Variants in RBM33 observed in about 807,000 individuals in gnomAD.
The protein encoded by RBM33 is RNA-binding protein 33.
In RBM33, 28 loss-of-function variants were observed where a neutral mutation model predicts 132.6. The observed-to-expected ratio is 0.21, with a 90% CI of 0.16 to 0.29. The LOEUF is 0.29. Ranked by LOEUF, RBM33 falls within the 10% of genes least tolerant of loss-of-function variation. RBM33 has a pLI of 1.00. For synonymous variants in RBM33, 634 were observed against 593.0 expected (o/e 1.07, Z -1.01); for missense variants, 1,291 against 1,518.5 (o/e 0.85, Z 2.49).
At position 155,655,589 on chromosome 7, in the gene RBM33, A is replaced by G. The variant is rs945284390; in HGVS notation, c.44-9586A>G. On this transcript the variant is annotated intron_variant, in intron 1 of 17. Transcript: ENST00000401878. ...TGCTGACATTTGCATCAATGTTGCA[A>G]AAGTAATGGTGGGTACATTCTCTGG... Among the ~76,000 whole-genome samples the G allele has an allele frequency of 8.3e-5, 11 of 133,238 alleles. No homozygotes were observed. In the East Asian group the frequency reaches 1.6e-3, roughly 19 times the overall value. 87.4% of individuals were successfully genotyped at this position (133,238 alleles called of 152,430 possible).
Position 155,738,350 on chromosome 7 carries a change from C to G in RBM33, c.1684C>G (p.Leu562Val). Residue 562 changes from leucine (L) to valine (V), a missense_variant, in exon 11 of 18, where the codon CTG becomes GTG. Leu to Val is a conservative substitution (Grantham distance 32). Transcript: ENST00000401878. ...CTTCATTCCTCCTAGACAGCCGTTCCTGCCAGGCCCAGGACAGCCGTTTCT... is the reference window on the plus strand; with the variant it reads ...CTTCATTCCTCCTAGACAGCCGTTCGTGCCAGGCCCAGGACAGCCGTTTCT... Reference protein sequence around the residue: ...RPFIPPRQPFLPGPGQPFLPT... With the variant: ...RPFIPPRQPFVPGPGQPFLPT... The G allele has an allele frequency of 1.2e-6, 2 of 1,613,988 alleles. No homozygotes were observed. Among genetic ancestry groups the G allele is most frequent in the Non-Finnish European group, 8.5e-7 (1 of 1,179,884 alleles).
intron 10 of RBM33, 74 bp from the exon 11 acceptor site, chr7:155,737,986 G>A: frequency 1.5e-6 from 2 of 1,300,150 alleles, no homozygotes; most frequent in Non-Finnish European, 2.2e-6. Context: ...CAGTAGGATA[G>A]TGCTTCAGAC....
chr7:155,673,940 G>GTTGTTTTTTGT, intron 3 of RBM33, among the ~76,000 whole-genome samples: 6 of 54,192 alleles, frequency 1.1e-4, no homozygotes, highest in African/African-American at 4.9e-4. Context: ...TTTAGGCTTA[G>GTTGTTTTTTGT]TTTTTTTTTT....
intron 2 of RBM33, among the ~76,000 whole-genome samples, chr7:155,672,064 T>A (rs917256020): frequency 6.6e-6 from 1 of 152,230 alleles, no homozygotes; most frequent in African/African-American, 2.4e-5. Flanking sequence ...CCTTAGTTAC[T>A]GTGATTTGAT....
intron 1 of RBM33, 188 bp downstream of exon 1, chr7:155,645,107 C>G: frequency 2.0e-6 from 1 of 508,000 alleles, no homozygotes; most frequent in Non-Finnish European, 3.5e-6. Flanking sequence ...CGCTCCTCCT[C>G]TCCGCTGTGC....
intron 8 of RBM33, among the ~76,000 whole-genome samples, chr7:155,715,365 G>A (rs925233333): frequency 1.3e-5 from 2 of 152,174 alleles, no homozygotes; most frequent in Non-Finnish European, 2.9e-5. Flanking sequence ...CTGGCAGCTG[G>A]TAATACGTAC....
intron 1 of RBM33, among the ~76,000 whole-genome samples, chr7:155,649,811 A>T (rs1798306211): frequency 1.3e-5 from 2 of 152,214 alleles, no homozygotes; most frequent in Admixed American, 1.3e-4. Context: ...CCAAAACCAA[A>T]AAACAAACAA....
chr7:155,727,595 ATTG>A (rs1458925038), intron 9 of RBM33, among the ~76,000 whole-genome samples: 1 of 152,268 alleles, frequency 6.6e-6, no homozygotes, highest in Non-Finnish European at 1.5e-5. Flanking sequence ...AAAAAGCAAT[ATTG>A]TTAACAGTCA....
chr7:155,651,080 G>A (rs1284046240), intron 1 of RBM33, among the ~76,000 whole-genome samples: 4 of 152,114 alleles, frequency 2.6e-5, no homozygotes, highest in Admixed American at 6.5e-5. Context: ...GTTTTGCCAC[G>A]TTGGCCAGGC....
At chr7:155,707,660 C>G (rs1165177375) in intron 7 of RBM33, among the ~76,000 whole-genome samples, 1 of 151,838 alleles carries the variant, frequency 6.6e-6, no homozygotes, top group Admixed American at 6.6e-5. Flanking sequence ...TTTTTTTGTT[C>G]TTTTTTTGTT....
rs568890211 is a variant in RBM33, at chr7:155,743,139, A to G, written c.2337+1033A>G. On this transcript the variant is annotated intron_variant, in intron 13 of 17. Coordinates refer to ENST00000401878, the MANE Select transcript of RBM33 (RefSeq NM_053043.3). ...ACCAAATTGGAAGTACAAAGTTGAAATATTAACATACAATGAACTCTTATT... is the reference window on the plus strand; with the variant it reads ...ACCAAATTGGAAGTACAAAGTTGAAGTATTAACATACAATGAACTCTTATT... 7.9e-5 allele frequency among the ~76,000 whole-genome samples: 12 copies of G among 152,388 alleles called. No individual in the cohort carries two copies. The South Asian group carries it at 2.3e-3, about 29-fold the overall frequency.
At chr7:155,677,358 C>T (rs1199898678) in intron 3 of RBM33, among the ~76,000 whole-genome samples, 1 of 151,942 alleles carries the variant, frequency 6.6e-6, no homozygotes, top group East Asian at 1.9e-4. Context: ...ACAGGCGCCC[C>T]TCACCACGCC....
intron 2 of RBM33, among the ~76,000 whole-genome samples, chr7:155,669,462 C>T (rs906833994): frequency 6.6e-6 from 1 of 152,182 alleles, no homozygotes; most frequent in South Asian, 2.1e-4. Context: ...AAGCGATTCT[C>T]ATGCCTCAGT....
intron 2 of RBM33, among the ~76,000 whole-genome samples, chr7:155,671,997 T>C (rs1798954749): frequency 1.3e-5 from 2 of 152,182 alleles, no homozygotes; most frequent in East Asian, 1.9e-4. Context: ...AACAGAAATA[T>C]GCTAGAAAAA....
intron 1 of RBM33, among the ~76,000 whole-genome samples, chr7:155,647,271 A>G (rs1798225642): frequency 2.0e-5 from 3 of 152,238 alleles, no homozygotes; most frequent in Admixed American, 2.0e-4. Context: ...GACCTGGATT[A>G]ATTTCACAAC....
Position 155,669,872 on chromosome 7 carries a change from C to T in RBM33, c.123-2995C>T, listed in dbSNP as rs563375099. 3.9e-5 allele frequency among the ~76,000 whole-genome samples: 6 copies of T among 152,202 alleles called. No individual in the cohort carries two copies. The South Asian group carries it at 1.0e-3, about 26-fold the overall frequency. On this transcript the variant is annotated intron_variant, in intron 2 of 17. Coordinates refer to ENST00000401878, the MANE Select transcript of RBM33 (RefSeq NM_053043.3). ...CGGTCTTTCTCCTCCTACTTGGTGA[C>T]GTTATGTTGGTGCGTCCCAATGGGC...
At chr7:155,661,405 CT>C (rs1160345362) in intron 1 of RBM33, among the ~76,000 whole-genome samples, 1 of 133,614 alleles carries the variant, frequency 7.5e-6, no homozygotes, top group Admixed American at 7.4e-5. Flanking sequence ...TTTTTTCTTT[CT>C]TTTTTTTTCT....
intron 9 of RBM33, among the ~76,000 whole-genome samples, chr7:155,736,772 G>A (rs1172693055): frequency 6.6e-6 from 1 of 152,204 alleles, no homozygotes; most frequent in East Asian, 1.9e-4. Context: ...TAGCAAAGAT[G>A]AGCATCTTTA....
intron 3 of RBM33, among the ~76,000 whole-genome samples, chr7:155,673,403 TGTGTG>T (rs1392626559): frequency 9.9e-3 from 35 of 3,540 alleles, no homozygotes; most frequent in Admixed American, 0.062. Context: ...TTATATATAT[TGTGTG>T]TGTGTGTGTG....
Sources: allele counts gnomAD v4.1 joint callset (sites outside exome capture counted in the v4.1 genomes callset), GRCh38; gene constraint gnomAD v4.1.1; transcripts MANE v1.5; gene names NCBI Gene and HGNC (gene_info 2026-07-23, HGNC 2026-07-21).